RASA1: variants seen among roughly 807,000 people sequenced by gnomAD.
RASA1 encodes RAS p21 protein activator 1.
Under a neutral mutation model 132.2 loss-of-function variants are expected in RASA1, and 25 were observed. The observed-to-expected ratio is 0.19, with a 90% CI of 0.14 to 0.26. The LOEUF is 0.26. Among genes scored for constraint, RASA1 ranks in the 10% least tolerant of loss-of-function variants. The pLI is 1.00. For synonymous variants in RASA1, 477 were observed against 449.9 expected, an observed-to-expected ratio of 1.06 and a Z score of -0.76; for missense variants, 964 against 1,299.2, an observed-to-expected ratio of 0.74 and a Z score of 3.97.
chr5:87,305,137 A>AT, intron 1 of RASA1, among the ~76,000 whole-genome samples: 1 of 151,968 alleles, frequency 6.6e-6, no homozygotes, highest in African/African-American at 2.4e-5. Flanking sequence ...AAGTTAGCAA[A>AT]AATTTTTTAT....
intron 1 of RASA1, among the ~76,000 whole-genome samples, chr5:87,278,903 T>C (rs979025404): frequency 1.5e-5 from 2 of 134,128 alleles, no homozygotes; most frequent in African/African-American, 2.8e-5. Flanking sequence ...TAACTGCTAA[T>C]TTGTTCTTTT....
At chr5:87,295,489 TTA>T (rs201027059) in intron 1 of RASA1, among the ~76,000 whole-genome samples, 3 of 150,178 alleles carry the variant, frequency 2.0e-5, no homozygotes, top group Non-Finnish European at 4.4e-5. Context: ...AGCACACCAG[TTA>T]TATATATATA....
chr5:87,355,426 C>T (rs991078548), intron 9 of RASA1, among the ~76,000 whole-genome samples: 1 of 152,148 alleles, frequency 6.6e-6, no homozygotes, highest in Non-Finnish European at 1.5e-5. Flanking sequence ...TGCATGATAG[C>T]CCATCTGTTT....
rs973113312 is a variant in RASA1 at position 87,324,957 on chromosome 5, A to AT, written c.540-6382dup. On this transcript the variant is annotated intron_variant, in intron 1 of 24. Coordinates refer to ENST00000274376, the MANE Select transcript of RASA1 (RefSeq NM_002890.3). The stretch of plus-strand genomic sequence containing the variant: ...AATCAGTTGCTTTTTTAATTTTTTT[A>AT]TTTTTTTTTAACCTTTAGCAGACTG... Among the ~76,000 whole-genome samples the AT allele has an allele frequency of 5.4e-4, 82 of 150,920 alleles. 1 individual carries two copies. The highest frequency in any genetic ancestry group is 1.9e-4 in the Non-Finnish European group (13 of 67,630).
At chr5:87,372,411 C>T (rs1449457207) in intron 13 of RASA1, among the ~76,000 whole-genome samples, 1 of 152,032 alleles carries the variant, frequency 6.6e-6, no homozygotes, top group Non-Finnish European at 1.5e-5. Flanking sequence ...ATTATTCTTC[C>T]ACTTTAAATA....
At chr5:87,306,974 T>C (rs764032838) in intron 1 of RASA1, among the ~76,000 whole-genome samples, 3 of 152,166 alleles carry the variant, frequency 2.0e-5, no homozygotes, top group Non-Finnish European at 2.9e-5. Context: ...TCCTCTTGCC[T>C]CAGCCTCCTG....
At chr5:87,389,998 C>T (rs532462528) in intron 24 of RASA1, among the ~76,000 whole-genome samples, 1 of 152,246 alleles carries the variant, frequency 6.6e-6, no homozygotes, top group South Asian at 2.1e-4. Flanking sequence ...GCACGTCTAA[C>T]AAACTCTTAG....
chr5:87,302,434 T>G (rs1404724610), intron 1 of RASA1, among the ~76,000 whole-genome samples: 1 of 151,892 alleles, frequency 6.6e-6, no homozygotes, highest in East Asian at 1.9e-4. Flanking sequence ...TTCTGGTTAT[T>G]CTCTGTCTTG....
At chr5:87,279,312 G>A (rs1580191497) in intron 1 of RASA1, among the ~76,000 whole-genome samples, 1 of 152,146 alleles carries the variant, frequency 6.6e-6, no homozygotes, top group African/African-American at 2.4e-5. Flanking sequence ...TGTCAAGTTC[G>A]TGTAAGTTGA....
At chr5:87,339,549 T>C (rs1304801496) in intron 5 of RASA1, among the ~76,000 whole-genome samples, 1 of 152,152 alleles carries the variant, frequency 6.6e-6, no homozygotes, top group Non-Finnish European at 1.5e-5. Context: ...GTTGAACTTT[T>C]CTTGAGCTCT....
At chr5:87,338,536 A>ATATATATTTTTTTTTTTTT in intron 5 of RASA1, among the ~76,000 whole-genome samples, 1 of 85,216 alleles carries the variant, frequency 1.2e-5, no homozygotes, top group African/African-American at 4.4e-5. Context: ...TATATATAAA[A>ATATATATTTTTTTTTTTTT]TTTTTTTTTT....
At chr5:87,348,759 C>G (rs1341748716) in intron 7 of RASA1, among the ~76,000 whole-genome samples, 2 of 151,796 alleles carry the variant, frequency 1.3e-5, no homozygotes, top group Non-Finnish European at 2.9e-5. Flanking sequence ...GTGCCTAGCA[C>G]AGTCATTACT....
intron 20 of RASA1, among the ~76,000 whole-genome samples, chr5:87,381,749 C>G (rs1260238939): frequency 6.6e-6 from 1 of 152,122 alleles, no homozygotes; most frequent in Non-Finnish European, 1.5e-5. Flanking sequence ...TAAAACTGTT[C>G]TATAAATTTG....
At chr5:87,313,044 G>C (rs1208643886) in intron 1 of RASA1, among the ~76,000 whole-genome samples, 1 of 152,154 alleles carries the variant, frequency 6.6e-6, no homozygotes, top group Non-Finnish European at 1.5e-5. Context: ...GAATTGGATG[G>C]GGGCTGAACA....
intron 1 of RASA1, among the ~76,000 whole-genome samples, chr5:87,314,523 A>G (rs144388657): frequency 1.1e-4 from 17 of 152,346 alleles, no homozygotes; most frequent in African/African-American, 3.6e-4. Flanking sequence ...CTGATTGGAT[A>G]TGAGGGAAAC....
At chr5:87,344,886 T>G (rs1286331099) in intron 6 of RASA1, among the ~76,000 whole-genome samples, 1 of 152,034 alleles carries the variant, frequency 6.6e-6, no homozygotes, top group African/African-American at 2.4e-5. Flanking sequence ...CTTAGCTCAT[T>G]CATCACTTCC....
At chr5:87,338,536 A>ATATATATATATATTTTTTTTTTTT in intron 5 of RASA1, among the ~76,000 whole-genome samples, 1 of 85,216 alleles carries the variant, frequency 1.2e-5, no homozygotes, top group African/African-American at 4.4e-5. Context: ...TATATATAAA[A>ATATATATATATATTTTTTTTTTTT]TTTTTTTTTT....
rs749192205 is a variant in RASA1, at chr5:87,374,826, C to T, written c.1935-14C>T. The T allele has an allele frequency of 1.2e-5, 19 of 1,607,672 alleles. No homozygotes were observed. Among genetic ancestry groups the T allele is most frequent in the East Asian group, 2.2e-5 (1 of 44,518 alleles). ...AAAACATTTTGTTAATTCTTTTTCT[C>T]CTTGCTCCTTTAGTGATCTTCCTCC... On this transcript the variant is annotated splice_polypyrimidine_tract_variant and intron_variant, in intron 14 of 24. Coordinates refer to ENST00000274376, the MANE Select transcript of RASA1 (RefSeq NM_002890.3).
chr5:87,339,672 C>T (rs577906661), intron 5 of RASA1, among the ~76,000 whole-genome samples: 2 of 152,068 alleles, frequency 1.3e-5, no homozygotes, highest in Middle Eastern at 3.2e-3. Context: ...GACATGACCT[C>T]ACATCAGTAC....
Sources: allele counts gnomAD v4.1 joint callset (sites outside exome capture counted in the v4.1 genomes callset), GRCh38; gene constraint gnomAD v4.1.1; transcripts MANE v1.5; gene names NCBI Gene and HGNC (gene_info 2026-07-23, HGNC 2026-07-21).